Variants in TMEM132D observed in about 807,000 individuals in gnomAD.
TMEM132D encodes transmembrane protein 132D, also known as mature OL transmembrane protein.
In TMEM132D, 21 loss-of-function variants were observed where a neutral mutation model predicts 62.3. The ratio of observed to expected loss-of-function variants is 0.34; its 90% CI spans 0.24 to 0.49. The LOEUF (loss-of-function observed/expected upper bound fraction) is 0.49, where lower values mean the gene tolerates loss of function less well. Ranked by LOEUF, TMEM132D falls within the 20% of genes least tolerant of loss-of-function variation. The pLI is 0.99. For missense variants in TMEM132D, 1,346 were observed against 1,402.8 expected, an observed-to-expected ratio of 0.96 and a Z score of 0.65; for synonymous variants, 621 against 575.6, an observed-to-expected ratio of 1.08 and a Z score of -1.13.
chr12:129,883,676 A>G (rs1335119397), intron 1 of TMEM132D, among the ~76,000 whole-genome samples: 14 of 152,326 alleles, frequency 9.2e-5, no homozygotes, highest in African/African-American at 3.4e-4. Context: ...AATCAGGACA[A>G]TGTTGTATTG....
chr12:129,310,787 G>A (rs1201264170), intron 4 of TMEM132D, among the ~76,000 whole-genome samples: 1 of 152,178 alleles, frequency 6.6e-6, no homozygotes, highest in Non-Finnish European at 1.5e-5. Flanking sequence ...CCAATTTAAT[G>A]AGCACTCTGC....
chr12:129,276,581 A>G (rs991358804), intron 4 of TMEM132D, among the ~76,000 whole-genome samples: 1 of 152,166 alleles, frequency 6.6e-6, no homozygotes, highest in Non-Finnish European at 1.5e-5. Flanking sequence ...CGTGTGATAC[A>G]TTTATCAGTT....
At chr12:129,705,068 GC>G (rs1227726711) in intron 1 of TMEM132D, among the ~76,000 whole-genome samples, 1 of 152,086 alleles carries the variant, frequency 6.6e-6, no homozygotes, top group Non-Finnish European at 1.5e-5. Context: ...GAGAATGGGA[GC>G]TTTTGAAGCT....
intron 4 of TMEM132D, among the ~76,000 whole-genome samples, chr12:129,280,588 C>T (rs796448703): frequency 6.6e-6 from 1 of 152,136 alleles, no homozygotes; most frequent in African/African-American, 2.4e-5. Context: ...AAGTCAGGAA[C>T]TATATTATTA....
intron 4 of TMEM132D, among the ~76,000 whole-genome samples, chr12:129,255,590 G>A (rs1185716022): frequency 6.6e-6 from 1 of 152,182 alleles, no homozygotes; most frequent in Non-Finnish European, 1.5e-5. Context: ...GGGACATTTT[G>A]CATGGTACAT....
chr12:129,571,987 G>C (rs143553666), intron 2 of TMEM132D, among the ~76,000 whole-genome samples: 1 of 152,172 alleles, frequency 6.6e-6, no homozygotes, highest in Admixed American at 6.5e-5. Context: ...AAAGCAGCAA[G>C]GTGTCCCTGC....
At chr12:129,260,344 C>T (rs895149280) in intron 4 of TMEM132D, among the ~76,000 whole-genome samples, 3 of 152,100 alleles carry the variant, frequency 2.0e-5, no homozygotes, top group East Asian at 1.9e-4. Flanking sequence ...CCCTGGACAG[C>T]ATTGGTGGCC....
At chr12:129,457,859 A>C (rs574200898) in intron 3 of TMEM132D, among the ~76,000 whole-genome samples, 2 of 152,298 alleles carry the variant, frequency 1.3e-5, no homozygotes, top group South Asian at 2.1e-4. Flanking sequence ...ACCCCTCAGC[A>C]GGTCTCCCCT....
At chr12:129,859,806 C>T (rs1173364125) in intron 1 of TMEM132D, among the ~76,000 whole-genome samples, 1 of 152,194 alleles carries the variant, frequency 6.6e-6, no homozygotes, top group Admixed American at 6.5e-5. Context: ...CCTTTGGCCA[C>T]AGGCTGATTG....
chr12:129,746,375 G>C (rs1466526489), intron 1 of TMEM132D, among the ~76,000 whole-genome samples: 2 of 152,250 alleles, frequency 1.3e-5, no homozygotes, highest in South Asian at 2.1e-4. Context: ...CGGCTTGTAA[G>C]GTAGAATTGG....
rs763124843 is a variant in TMEM132D at position 129,084,610 on chromosome 12, G to A, written c.1536C>T (p.Ser512=). 3.1e-6 allele frequency: 5 copies of A among 1,614,046 alleles called. No individual in the cohort carries two copies. The African/African-American group carries it at 6.7e-5, about 22-fold the overall frequency. ...CCCACACCGTCATCTCCAGGGGGCTGCTCAGGTGCTGGTAGGTGAAGTTCA... is the reference window on the plus strand; with the variant it reads ...CCCACACCGTCATCTCCAGGGGGCTACTCAGGTGCTGGTAGGTGAAGTTCA... The part of the protein sequence containing the change: ...VVVNFTYQHL[S]SPLEMTVWVP... The change falls in exon 6 of 9, where the codon AGC becomes AGT. Residue 512 remains serine (S), a synonymous_variant. Transcript: ENST00000422113.
intron 1 of TMEM132D, among the ~76,000 whole-genome samples, chr12:129,781,310 A>G (rs149382275): frequency 3.9e-5 from 6 of 152,222 alleles, no homozygotes; most frequent in Non-Finnish European, 8.8e-5. Context: ...TAAACACCCA[A>G]TCAGACAGGC....
At chr12:129,183,856 AG>A (rs1565990180) in intron 5 of TMEM132D, among the ~76,000 whole-genome samples, 1 of 150,488 alleles carries the variant, frequency 6.6e-6, no homozygotes, top group African/African-American at 2.5e-5. Context: ...CCCCTTGGAT[AG>A]GGGCATGGAC....
At chr12:129,092,328 G>A (rs1362817990) in intron 5 of TMEM132D, among the ~76,000 whole-genome samples, 1 of 132,742 alleles carries the variant, frequency 7.5e-6, no homozygotes, top group Admixed American at 8.1e-5. Flanking sequence ...TTGTTCAAGA[G>A]CTACAGCTAC....
intron 1 of TMEM132D, among the ~76,000 whole-genome samples, chr12:129,764,294 A>G (rs1272641238): frequency 6.6e-6 from 1 of 152,198 alleles, no homozygotes; most frequent in Non-Finnish European, 1.5e-5. Flanking sequence ...GGAAAGGAAG[A>G]AGGAAAAAGT....
intron 4 of TMEM132D, among the ~76,000 whole-genome samples, chr12:129,318,864 G>A (rs1868577674): frequency 6.6e-6 from 1 of 152,090 alleles, no homozygotes. Context: ...GAGGATTATG[G>A]CTGCCTCTGC....
intron 1 of TMEM132D, among the ~76,000 whole-genome samples, chr12:129,872,805 T>C (rs894300192): frequency 6.6e-6 from 1 of 152,192 alleles, no homozygotes; most frequent in Non-Finnish European, 1.5e-5. Flanking sequence ...ATATCCACCA[T>C]GTCAACAAAC....
intron 4 of TMEM132D, chr12:129,209,901 G>A (rs780283624): frequency 1.2e-4 from 65 of 533,664 alleles, no homozygotes; most frequent in Non-Finnish European, 1.8e-4. Flanking sequence ...GACAGAAAAG[G>A]TGGCGGAGGA....
chr12:129,124,269 C>T (rs1200188418), intron 5 of TMEM132D, among the ~76,000 whole-genome samples: 3 of 152,158 alleles, frequency 2.0e-5, no homozygotes, highest in South Asian at 4.2e-4. Flanking sequence ...ACTAATCTCA[C>T]CCACATCCAG....
Sources: allele counts gnomAD v4.1 joint callset (sites outside exome capture counted in the v4.1 genomes callset), GRCh38; gene constraint gnomAD v4.1.1; transcripts MANE v1.5; gene names NCBI Gene and HGNC (gene_info 2026-07-23, HGNC 2026-07-21).